Variants in HECTD4 observed in about 807,000 individuals in gnomAD.
HECTD4 encodes the protein probable E3 ubiquitin-protein ligase HECTD4.
HECTD4 carries 114 observed loss-of-function variants against 471.5 expected under a neutral mutation model. That is an observed-to-expected ratio of 0.24 (90% CI 0.21 to 0.28). The LOEUF is 0.28. HECTD4 is among the 10% of genes least tolerant of loss of function. The pLI is 1.00. For synonymous variants in HECTD4, 2,012 were observed against 2,256.0 expected (o/e 0.89, Z 3.07); for missense variants, 3,866 against 5,651.5 (o/e 0.68, Z 10.13).
intron 7 of HECTD4, among the ~76,000 whole-genome samples, chr12:112,288,581 G>A (rs140804337): frequency 6.6e-6 from 1 of 152,234 alleles, no homozygotes; most frequent in African/African-American, 2.4e-5. Flanking sequence ...AGCAGAGATA[G>A]TAGCACCACT....
chr12:112,374,708 T>C (rs1204962090), intron 1 of HECTD4, among the ~76,000 whole-genome samples: 2 of 152,200 alleles, frequency 1.3e-5, no homozygotes, highest in Non-Finnish European at 1.5e-5. Flanking sequence ...CCAAAGGATA[T>C]ATAGGCTAGC....
intron 2 of HECTD4, among the ~76,000 whole-genome samples, chr12:112,315,733 A>T (rs541943768): frequency 6.6e-6 from 1 of 152,132 alleles, no homozygotes; most frequent in Non-Finnish European, 1.5e-5. Context: ...TTGTTTTTTT[A>T]AAAGAGACAG....
chr12:112,297,506 T>C (rs555075224), intron 7 of HECTD4, among the ~76,000 whole-genome samples: 1 of 152,044 alleles, frequency 6.6e-6, no homozygotes, highest in South Asian at 2.1e-4. Context: ...ATTTTGAAGA[T>C]AGAGCAGACA....
At chr12:112,314,417 T>A (rs1252620362) in intron 3 of HECTD4, 40 bp downstream of exon 3, 5 of 1,010,986 alleles carry the variant, frequency 4.9e-6, no homozygotes, top group Non-Finnish European at 7.4e-6. Context: ...CAAATCTGCC[T>A]AGTTTGGAAG....
In HECTD4 at chr12:112,235,543, A is replaced by G; in HGVS notation, c.5686T>C (p.Ser1896Pro). 6.2e-7 allele frequency: 1 copy of G among 1,613,694 alleles called. No homozygotes were observed. Residue 1896 changes from serine to proline, a missense_variant, in exon 36 of 76, where the codon TCC (serine) becomes CCC (proline). Transcript: ENST00000682272. The surrounding 1 kb of genome is among the most constrained non-coding windows in gnomAD (Gnocchi z 5.0). The stretch of plus-strand genomic sequence containing the variant: ...TCTGCCAGCTTTGCTAAGAGCAGGG[A>G]GGCGATCTTGGAAGCTGGGTCGCTG... ...DPSDPASKIA[S>P]LLLAKLADYV...
chr12:112,270,547 G>A lies in HECTD4; in HGVS notation c.1943-88C>T, dbSNP rs1458852530. On this transcript the variant is annotated intron_variant, in intron 11 of 75. Coordinates refer to ENST00000682272, the MANE Select transcript of HECTD4 (RefSeq NM_001388303.1). ...GACCTTTGACTTACAAAAGGTGTGT[G>A]CGCACTAGAAAAGGATATTTTGGCT... The A allele has an allele frequency of 9.5e-6, 10 of 1,052,048 alleles. No homozygotes were observed. In the South Asian group the frequency reaches 9.8e-5, roughly 10 times the overall value. The allele number at this position is 1,052,048 out of a possible 1,614,324, so 65.2% of individuals were successfully genotyped here.
At chr12:112,335,595 G>A (rs1056892267) in intron 1 of HECTD4, among the ~76,000 whole-genome samples, 1 of 152,144 alleles carries the variant, frequency 6.6e-6, no homozygotes, top group African/African-American at 2.4e-5. Context: ...GGCTGAGGCA[G>A]GAGAATCGCT....
At chr12:112,267,023 C>T (rs1053999778) in intron 13 of HECTD4, 41 bp from the exon 14 acceptor site, 2 of 1,076,846 alleles carry the variant, frequency 1.9e-6, no homozygotes, top group Non-Finnish European at 2.7e-6. Flanking sequence ...AGCAAATGTT[C>T]TAGAAAATCA....
At chr12:112,175,030 G>C (rs1444823641) in intron 66 of HECTD4, among the ~76,000 whole-genome samples, 4 of 152,208 alleles carry the variant, frequency 2.6e-5, no homozygotes, top group Non-Finnish European at 5.9e-5. Flanking sequence ...CTGAAGCCCT[G>C]GCAAGCTGTG....
In HECTD4 at chr12:112,247,048, G is replaced by A. The variant is rs1348632834; in HGVS notation, c.4366C>T (p.Leu1456Phe). The A allele has an allele frequency of 6.2e-7, 1 of 1,608,908 alleles. No homozygotes were observed. The highest frequency in any genetic ancestry group is 1.7e-5 in the Admixed American group (1 of 59,600). ...REKFLQEVNS[L>F]IQKPSHPLAK... is the part of the protein sequence containing the mutation. Reference sequence around the variant, plus strand: ...AGTGGGTGTGAGGGTTTCTGAATAAGAGAATTCACTTCTTGTAGGAACTTC... The same window carrying A: ...AGTGGGTGTGAGGGTTTCTGAATAAAAGAATTCACTTCTTGTAGGAACTTC... Residue 1456 changes from leucine to phenylalanine, a missense_variant, in exon 29 of 76, where the codon CTT (leucine) becomes TTT (phenylalanine). By Grantham distance (22) the Leu-to-Phe change is conservative (BLOSUM62 0). Coordinates refer to ENST00000682272, the MANE Select transcript of HECTD4 (RefSeq NM_001388303.1).
At chr12:112,359,518 C>G (rs1367755442) in intron 1 of HECTD4, among the ~76,000 whole-genome samples, 1 of 152,126 alleles carries the variant, frequency 6.6e-6, no homozygotes, top group Non-Finnish European at 1.5e-5. Flanking sequence ...CTCCCGGATT[C>G]AAATGATTCT....
intron 7 of HECTD4, among the ~76,000 whole-genome samples, 194 bp from the exon 8 acceptor site, chr12:112,283,496 C>T (rs1157577176): frequency 6.6e-6 from 1 of 152,166 alleles, no homozygotes; most frequent in Non-Finnish European, 1.5e-5. Flanking sequence ...TGAGATCTTT[C>T]ACTTTTCATA....
intron 3 of HECTD4, 139 bp downstream of exon 3, chr12:112,314,318 G>C (rs904583417): frequency 6.5e-6 from 3 of 460,910 alleles, no homozygotes; most frequent in African/African-American, 4.0e-5. Flanking sequence ...AAATTCTTAA[G>C]AAGGTAAATA....
chr12:112,209,923 T>C, intron 50 of HECTD4, 92 bp downstream of exon 50: 2 of 1,057,578 alleles, frequency 1.9e-6, no homozygotes, highest in East Asian at 2.6e-5. Context: ...CTGATTGTAA[T>C]GAGGATGCTC....
chr12:112,296,800 AG>A (rs2035033445), intron 7 of HECTD4, among the ~76,000 whole-genome samples: 1 of 145,128 alleles, frequency 6.9e-6, no homozygotes, highest in Non-Finnish European at 1.5e-5. Flanking sequence ...GTAGGTGCAG[AG>A]GGTGTAGGTG....
chr12:112,184,659 A>G lies in HECTD4; in HGVS notation c.10307T>C (p.Leu3436Pro). The change falls in exon 61 of 76, where the codon CTG becomes CCG. Residue 3436 changes from leucine to proline, a missense_variant. Transcript: ENST00000682272. The surrounding 1 kb of genome is among the most constrained non-coding windows in gnomAD (Gnocchi z 9.1). ...TGGCTTCTTGGTGTCTTCTTCCTGC[A>G]GCGGGATGTAGATCTCGTCTTTGAA... is the stretch of plus-strand genomic sequence containing the variant. ...GVFKDEIYIP[L>P]QEEDTKKPKD... 1 of 1,613,776 alleles carries G rather than the reference A, an allele frequency of 6.2e-7. No individual in the cohort carries two copies. The highest frequency in any genetic ancestry group is 8.5e-7 in the Non-Finnish European group (1 of 1,179,842).
At chr12:112,302,118 TGATAATGCAGTAAGG>T (rs2035178066) in intron 7 of HECTD4, 1 of 1,194,796 alleles carries the variant, frequency 8.4e-7, no homozygotes, top group East Asian at 2.4e-5. Flanking sequence ...GCCTTCCCCT[TGATAATGCAGTAAGG>T]GACTCCCATT....
In HECTD4 at chr12:112,175,986, G is replaced by A. The variant is rs898809060; in HGVS notation, c.11471-127C>T. 36 of 1,211,298 alleles carry A rather than the reference G, an allele frequency of 3.0e-5. No individual in the cohort carries two copies. In the East Asian group the frequency reaches 6.4e-4, roughly 22 times the overall value. 75.0% of individuals were successfully genotyped at this position (1,211,298 alleles called of 1,614,324 possible). A position where few individuals can be genotyped will look rare whatever the true frequency, so the allele number is the denominator to read the frequency against. On this transcript the variant is annotated intron_variant, in intron 65 of 75. Transcript: ENST00000682272. ...CCCATCTAATTCCCCTCTCCCTCCC[G>A]TAACTCTGGGAATTGTCATTTGCCA...
intron 7 of HECTD4, 66 bp from the exon 8 acceptor site, chr12:112,283,368 G>A: frequency 7.9e-7 from 1 of 1,258,550 alleles, no homozygotes; most frequent in Non-Finnish European, 1.1e-6. Flanking sequence ...AATTTCTACT[G>A]AGGATATTAT....
Sources: allele counts gnomAD v4.1 joint callset (sites outside exome capture counted in the v4.1 genomes callset), GRCh38; gene constraint gnomAD v4.1.1; non-coding constraint Gnocchi (gnomAD v3.1); transcripts MANE v1.5; gene names NCBI Gene and HGNC (gene_info 2026-07-23, HGNC 2026-07-21).